ACP1: variants seen among roughly 807,000 people sequenced by gnomAD.
ACP1 encodes the protein acid phosphatase 1.
A neutral mutation model predicts 23.4 loss-of-function variants in ACP1; 23 were observed. The observed-to-expected ratio is 0.98, with a 90% CI of 0.71 to 1.39. The LOEUF (loss-of-function observed/expected upper bound fraction) is 1.39. ACP1 is among the 40% of genes most tolerant of loss of function. The probability of loss-of-function intolerance (pLI) is 0.00; values close to 1 mark genes in which losing one functional copy is unlikely to be tolerated. For missense variants in ACP1, 180 were observed against 197.7 expected (o/e 0.91, Z 0.54); for synonymous variants, 72 against 67.2 (o/e 1.07, Z -0.35).
chr2:269,991 A>G (rs149121333), intron 1 of ACP1, among the ~76,000 whole-genome samples: 33 of 152,318 alleles, frequency 2.2e-4, no homozygotes, highest in Non-Finnish European at 3.8e-4. Context: ...AGTATCTTCC[A>G]TGACCTTTAT....
intron 1 of ACP1, chr2:265,378 T>C: frequency 4.8e-6 from 1 of 209,336 alleles, no homozygotes; most frequent in Non-Finnish European, 9.5e-6. Context: ...AGGGGCCTCC[T>C]GAGTCCTATG....
chr2:268,873 A>T (rs1256630469), intron 1 of ACP1, among the ~76,000 whole-genome samples: 1 of 152,192 alleles, frequency 6.6e-6, no homozygotes, highest in African/African-American at 2.4e-5. Context: ...CAACTTTCGA[A>T]ATCAACAGGG....
intron 1 of ACP1, among the ~76,000 whole-genome samples, 160 bp from the exon 2 acceptor site, chr2:271,706 C>T (rs1439706868): frequency 6.6e-6 from 1 of 152,144 alleles, no homozygotes; most frequent in Non-Finnish European, 1.5e-5. Flanking sequence ...GCAGGGTCTA[C>T]CCTCACTGGT....
intron 3 of ACP1, chr2:272,592 AT>A: frequency 2.5e-6 from 2 of 808,022 alleles, no homozygotes; most frequent in Non-Finnish European, 3.6e-6. Context: ...TTCCTGCATA[AT>A]TTTTATTAAA....
At chr2:272,637 G>A (rs1572197717) in intron 3 of ACP1, 2 of 508,964 alleles carry the variant, frequency 3.9e-6, no homozygotes, top group East Asian at 7.3e-5. Context: ...TGCTGATATT[G>A]CAAGTTTGTT....
At chr2:265,491 G>A (rs1200688158) in intron 1 of ACP1, among the ~76,000 whole-genome samples, 1 of 152,210 alleles carries the variant, frequency 6.6e-6, no homozygotes, top group Admixed American at 6.5e-5. Context: ...GATTGTAAAA[G>A]CCAAGCAAAG....
chr2:269,504 G>A (rs1669976612), intron 1 of ACP1, among the ~76,000 whole-genome samples: 1 of 152,142 alleles, frequency 6.6e-6, no homozygotes, highest in Non-Finnish European at 1.5e-5. Flanking sequence ...TAGTGATAAA[G>A]AGTAAACTCT....
Position 271,884 on chromosome 2 carries a change from C to G in ACP1, c.62C>G (p.Pro21Arg). 1 of 1,613,680 alleles carries G rather than the reference C, an allele frequency of 6.2e-7. No homozygotes were observed. Among genetic ancestry groups the G allele is most frequent in the South Asian group, 1.1e-5 (1 of 91,068 alleles). ...FVCLGNICRS[P>R]IAEAVFRKLV... ...TTTAAAGGTAACATTTGTCGATCAC[C>G]CATTGCAGAAGCAGTTTTCAGGAAA... The change falls in exon 2 of 6, where the codon CCC becomes CGC. Residue 21 changes from proline to arginine, a missense_variant. By Grantham distance (103) the Pro-to-Arg change is moderately radical. Around this residue, in one of 3 missense-constraint regions of ACP1, gnomAD observed 132 missense variants for 124.1 expected, o/e 1.06. Transcript: ENST00000272065.
chr2:268,985 C>T (rs750385911), intron 1 of ACP1, among the ~76,000 whole-genome samples: 5 of 152,210 alleles, frequency 3.3e-5, no homozygotes, highest in East Asian at 3.9e-4. Context: ...TATTTGTAAA[C>T]GTGTGGGGCT....
At chr2:269,081 C>T (rs1231072502) in intron 1 of ACP1, among the ~76,000 whole-genome samples, 1 of 152,122 alleles carries the variant, frequency 6.6e-6, no homozygotes, top group African/African-American at 2.4e-5. Flanking sequence ...ATTTGGAATA[C>T]AATGTTTGCT....
chr2:270,703 T>C (rs1487022279), intron 1 of ACP1, among the ~76,000 whole-genome samples: 5 of 152,130 alleles, frequency 3.3e-5, no homozygotes, highest in African/African-American at 1.2e-4. Flanking sequence ...CAGAGCACTA[T>C]GGCTCTGAGG....
chr2:277,360 C>A lies in ACP1; in HGVS notation c.*56C>A. On this transcript the variant is annotated 3_prime_UTR_variant, in exon 6 of 6. Transcript: ENST00000272065. ...GACTAGACCCCACCCTGAGGTCCTG[C>A]ATTTCTCAGTCGGTGTGTAATCACG... 6.7e-7 allele frequency: 1 copy of A among 1,484,606 alleles called. No homozygotes were observed. Among genetic ancestry groups the A allele is most frequent in the Non-Finnish European group, 9.4e-7 (1 of 1,063,346 alleles). The allele number at this position is 1,484,606 out of a possible 1,614,324, so 92.0% of individuals were successfully genotyped here.
At chr2:273,372 A>T (rs1670095049) in intron 3 of ACP1, among the ~76,000 whole-genome samples, 1 of 152,228 alleles carries the variant, frequency 6.6e-6, no homozygotes, top group Non-Finnish European at 1.5e-5. Context: ...ACCGTTTGAG[A>T]TCCCTGTTCT....
At chr2:272,447 C>T (rs1207961445) in intron 3 of ACP1, 2 of 1,445,106 alleles carry the variant, frequency 1.4e-6, no homozygotes, top group Non-Finnish European at 1.8e-6. Context: ...TTTTGTTTCA[C>T]TTCTGGTTGC....
chr2:272,723 C>T, intron 3 of ACP1: 1 of 202,848 alleles, frequency 4.9e-6, no homozygotes, highest in South Asian at 1.3e-4. Context: ...AGGGTAATAC[C>T]AGCAACATTA....
At chr2:275,789 C>T (rs761984997) in intron 4 of ACP1, among the ~76,000 whole-genome samples, 42 of 152,176 alleles carry the variant, frequency 2.8e-4, no homozygotes, top group Non-Finnish European at 1.8e-4. Context: ...TCATCGGGAA[C>T]GGATCATAAT....
At position 277,352 on chromosome 2, in the gene ACP1, A is replaced by T. The variant is rs774650894; in HGVS notation, c.*48A>T. 1.3e-6 allele frequency: 2 copies of T among 1,532,300 alleles called. No homozygotes were observed. Among genetic ancestry groups the T allele is most frequent in the East Asian group, 4.5e-5 (2 of 44,542 alleles). 94.9% of individuals were successfully genotyped at this position (1,532,300 alleles called of 1,614,324 possible). A position where few individuals can be genotyped will look rare whatever the true frequency, so the allele number is the denominator to read the frequency against. On this transcript the variant is annotated 3_prime_UTR_variant, in exon 6 of 6. Transcript: ENST00000272065. ...GCCAGCCTGACTAGACCCCACCCTG[A>T]GGTCCTGCATTTCTCAGTCGGTGTG...
rs778712454 is a variant in ACP1, at chr2:265,019, C to G, written c.43+12C>G. On this transcript the variant is annotated intron_variant, in intron 1 of 5. Transcript: ENST00000272065. ...GTTTGTGTGTCTGGGTAAGAGGGCG[C>G]CGACTTACTCATGTTCTGACGTCCT... is the stretch of plus-strand genomic sequence containing the variant. The G allele has an allele frequency of 4.3e-6, 7 of 1,612,294 alleles. No individual in the cohort carries two copies. Among genetic ancestry groups the G allele is most frequent in the Non-Finnish European group, 3.4e-6 (4 of 1,179,342 alleles).
chr2:272,080 AC>A lies in ACP1; in HGVS notation c.167del (p.Pro56LeufsTer9), dbSNP rs1325618349. The A allele has an allele frequency of 3.1e-6, 5 of 1,613,422 alleles. No homozygotes were observed. Among genetic ancestry groups the A allele is most frequent in the Non-Finnish European group, 4.2e-6 (5 of 1,179,914 alleles). On this transcript the variant is annotated frameshift_variant, in exon 3 of 6. Coordinates refer to ENST00000272065, the MANE Select transcript of ACP1 (RefSeq NM_004300.4). LOFTEE classifies it high-confidence loss of function. ...SAATSGYEIG[N>X]PPDYRGQSCM... ...GCAACTTCCGGGTATGAGATAGGGA[AC>A]CCCCCTGACTACCGAGGGCAGAGCT...
Sources: gnomAD v4.1 joint callset for allele counts (sites outside exome capture counted in the v4.1 genomes callset) on GRCh38, gnomAD v4.1.1 for gene constraint, gnomAD v4.1.1 regional missense constraint, MANE v1.5 for transcripts, NCBI Gene and HGNC (gene_info 2026-07-23, HGNC 2026-07-21) for gene names.